ETFRF1: variants seen among roughly 807,000 people sequenced by gnomAD.
ETFRF1 encodes electron transfer flavoprotein regulatory factor 1.
A neutral mutation model predicts 9.0 loss-of-function variants in ETFRF1; 12 were observed. The ratio of observed to expected loss-of-function variants is 1.34; its 90% confidence interval spans 0.86 to 2.16. The LOEUF (loss-of-function observed/expected upper bound fraction) is 2.16. Ranked by LOEUF, ETFRF1 falls within the 30% of genes most tolerant of loss-of-function variation. The probability of loss-of-function intolerance (pLI) is 0.00; values close to 1 mark genes in which losing one functional copy is unlikely to be tolerated. For missense variants in ETFRF1, 98 were observed against 101.8 expected, an observed-to-expected ratio of 0.96 and a Z score of 0.16; for synonymous variants, 34 against 33.2, an observed-to-expected ratio of 1.02 and a Z score of -0.08.
chr12:25,202,126 G>A (rs1951079471), intron 1 of ETFRF1, among the ~76,000 whole-genome samples: 1 of 149,962 alleles, frequency 6.7e-6, no homozygotes, highest in South Asian at 2.1e-4. Context: ...CCAGCTTACT[G>A]GGGAGACTGA....
intron 1 of ETFRF1, among the ~76,000 whole-genome samples, chr12:25,197,519 T>C (rs911264496): frequency 1.2e-4 from 18 of 152,100 alleles, no homozygotes; most frequent in African/African-American, 4.1e-4. Flanking sequence ...CAGGTTGGAG[T>C]GGTGGAACAA....
intron 1 of ETFRF1, among the ~76,000 whole-genome samples, chr12:25,198,381 G>T (rs544966976): frequency 6.6e-6 from 1 of 152,066 alleles, no homozygotes; most frequent in Non-Finnish European, 1.5e-5. Flanking sequence ...CCCCAGTAAA[G>T]GCCCACCCAG....
rs183401030 is a variant in ETFRF1 at position 25,203,758 on chromosome 12, C to T, written c.-37-162C>T. ...CAATTATGACAGCAGGTAATTTTAT[C>T]GGAAGTGTTTATAACTATATCCCAG... On this transcript the variant is annotated intron_variant, in intron 1 of 2. Transcript: ENST00000381356. 3.7e-5 allele frequency: 15 copies of T among 406,540 alleles called. No homozygotes were observed. The Admixed American group carries it at 6.2e-4, about 17-fold the overall frequency. The allele number at this position is 406,540 out of a possible 1,614,324, so 25.2% of individuals were successfully genotyped here.
At chr12:25,198,156 A>T (rs566342276) in intron 1 of ETFRF1, among the ~76,000 whole-genome samples, 1 of 152,300 alleles carries the variant, frequency 6.6e-6, no homozygotes, top group East Asian at 1.9e-4. Context: ...AGAAGACTAG[A>T]GGTTTATTTC....
intron 1 of ETFRF1, among the ~76,000 whole-genome samples, chr12:25,200,207 T>C (rs1343209768): frequency 6.7e-6 from 1 of 149,378 alleles, no homozygotes; most frequent in Non-Finnish European, 1.5e-5. Flanking sequence ...CGAAACTCCA[T>C]GCTTAAAAAA....
chr12:25,199,165 GATAT>G (rs1245989294), intron 1 of ETFRF1, among the ~76,000 whole-genome samples: 1 of 150,402 alleles, frequency 6.6e-6, no homozygotes, highest in Admixed American at 6.7e-5. Flanking sequence ...CATATTTATA[GATAT>G]ATATGTGCTA....
intron 1 of ETFRF1, among the ~76,000 whole-genome samples, chr12:25,198,257 C>T (rs1951046520): frequency 6.6e-6 from 1 of 152,110 alleles, no homozygotes; most frequent in South Asian, 2.1e-4. Flanking sequence ...TTTAGGAATA[C>T]ATAATGCTGG....
intron 1 of ETFRF1, 77 bp downstream of exon 1, chr12:25,195,414 C>G (rs939397375): frequency 5.8e-6 from 3 of 515,088 alleles, no homozygotes; most frequent in Non-Finnish European, 7.0e-6. Flanking sequence ...ATGCTCTGGG[C>G]GAGGACCACC....
Position 25,204,227 on chromosome 12 carries a change from T to C in ETFRF1, c.188T>C (p.Met63Thr). The C allele has an allele frequency of 6.2e-7, 1 of 1,612,146 alleles. No homozygotes were observed. Among genetic ancestry groups the C allele is most frequent in the Non-Finnish European group, 8.5e-7 (1 of 1,179,334 alleles). The change falls in exon 3 of 3, where the codon ATG becomes ACG. Residue 63 changes from methionine to threonine, a missense_variant. By Grantham distance (81) the Met-to-Thr change is moderately conservative. Transcript: ENST00000381356. Reference sequence around the variant, plus strand: ...CTTATTGCACAGGGCGAATTTGTAATGAAAGAGCTAGAAGCTTTGTACTTC... The same window carrying C: ...CTTATTGCACAGGGCGAATTTGTAACGAAAGAGCTAGAAGCTTTGTACTTC... ...KELIAQGEFV[M>T]KELEALYFLR...
chr12:25,195,269 C>G lies in ETFRF1; in HGVS notation c.-106C>G, dbSNP rs1474620595. 2.4e-5 allele frequency: 16 copies of G among 655,532 alleles called. No individual in the cohort carries two copies. The East Asian group carries it at 3.5e-4, about 14-fold the overall frequency. The allele number at this position is 655,532 out of a possible 1,614,324, so 40.6% of individuals were successfully genotyped here. The stretch of plus-strand genomic sequence containing the variant: ...GGTTGCCCACCTCCCCCAACGCCAC[C>G]CCGCTTCGCAGTAGACGGACAGAGG... On this transcript the variant is annotated 5_prime_UTR_variant, in exon 1 of 3. Coordinates refer to ENST00000381356, the MANE Select transcript of ETFRF1 (RefSeq NM_001001660.3).
chr12:25,195,286 G>A lies in ETFRF1; in HGVS notation c.-89G>A, dbSNP rs540560690. On this transcript the variant is annotated 5_prime_UTR_variant, in exon 1 of 3. Transcript: ENST00000381356. ...AACGCCACCCCGCTTCGCAGTAGAC[G>A]GACAGAGGAGTCGTAGCGGTCGAGG... The A allele has an allele frequency of 6.9e-5, 43 of 626,064 alleles. 1 individual carries two copies. Among genetic ancestry groups the A allele is most frequent in the South Asian group, 2.1e-4 (11 of 53,638 alleles). 38.8% of individuals were successfully genotyped at this position (626,064 alleles called of 1,614,324 possible).
At chr12:25,202,925 T>G (rs1951087713) in intron 1 of ETFRF1, among the ~76,000 whole-genome samples, 1 of 152,324 alleles carries the variant, frequency 6.6e-6, no homozygotes, top group African/African-American at 2.4e-5. Flanking sequence ...CTTGCAGCTT[T>G]GTCACTTAGA....
Position 25,204,174 on chromosome 12 carries a change from T to C in ETFRF1, c.135T>C (p.Asp45=). 1.2e-6 allele frequency: 2 copies of C among 1,613,220 alleles called. No individual in the cohort carries two copies. The highest frequency in any genetic ancestry group is 8.5e-7 in the Non-Finnish European group (1 of 1,179,554). Reference sequence around the variant, plus strand: ...AGAACATTTTCCTTAAAAACAAAGATGTGAAGAATCCAGAGAAGATCAAAG... The same window carrying C: ...AGAACATTTTCCTTAAAAACAAAGACGTGAAGAATCCAGAGAAGATCAAAG... ...RLKNIFLKNK[D]VKNPEKIKEL... is the part of the protein sequence containing the mutation. The change falls in exon 3 of 3, where the codon GAT becomes GAC. Residue 45 remains aspartate, a synonymous_variant. Transcript: ENST00000381356.
chr12:25,204,297 C>T lies in ETFRF1; in HGVS notation c.258C>T (p.Thr86=), dbSNP rs530258218. ...TGAAACAACGCTATTATTCAGATAC[C>T]AACAAAACTAATTGATCATTACTAC... ...RAMKQRYYSD[T]NKTN is the part of the protein sequence containing the mutation. Residue 86 remains threonine, a synonymous_variant, in exon 3 of 3, where the codon ACC becomes ACT. Coordinates refer to ENST00000381356, the MANE Select transcript of ETFRF1 (RefSeq NM_001001660.3). 7.6e-6 allele frequency: 12 copies of T among 1,573,228 alleles called. No individual in the cohort carries two copies. The highest frequency in any genetic ancestry group is 4.1e-5 in the African/African-American group (3 of 72,716).
chr12:25,204,311 G>T lies in ETFRF1; in HGVS notation c.272G>T (p.Ter91LeuextTer5), dbSNP rs557891881. Residue 91 changes from the stop codon to leucine (L), a stop_lost, in exon 3 of 3, where the codon TGA becomes TTA. Coordinates refer to ENST00000381356, the MANE Select transcript of ETFRF1 (RefSeq NM_001001660.3). Reference sequence around the variant, plus strand: ...TATTCAGATACCAACAAAACTAATTGATCATTACTACTTTAATTTAGCTAT... The same window carrying T: ...TATTCAGATACCAACAAAACTAATTTATCATTACTACTTTAATTTAGCTAT... ...RYYSDTNKTN[*>L] 1.1e-4 allele frequency: 173 copies of T among 1,561,484 alleles called. 1 individual carries two copies. The East Asian group carries it at 3.4e-3, about 31-fold the overall frequency.
In ETFRF1 at chr12:25,197,467, GTTTGT is replaced by G. The variant is rs577706164; in HGVS notation, c.-38+2140_-38+2144del. ...ACATGGTTCCGAAGAGGTGTTTTTT[GTTTGT>G]TTTGTTTTGAGACAGGGTCTCAAAA... On this transcript the variant is annotated intron_variant, in intron 1 of 2. Coordinates refer to ENST00000381356, the MANE Select transcript of ETFRF1 (RefSeq NM_001001660.3). Among the ~76,000 whole-genome samples the G allele has an allele frequency of 4.6e-5, 7 of 152,166 alleles. No individual in the cohort carries two copies. The South Asian group carries it at 1.0e-3, about 23-fold the overall frequency.
At chr12:25,197,961 G>GT (rs1282444736) in intron 1 of ETFRF1, among the ~76,000 whole-genome samples, 5 of 152,114 alleles carry the variant, frequency 3.3e-5, no homozygotes, top group Admixed American at 6.6e-5. Flanking sequence ...GGGACAGGAG[G>GT]TAACAGCAAT....
rs1005283055 is a variant in ETFRF1, at chr12:25,204,364, T to A, written c.*52T>A. On this transcript the variant is annotated 3_prime_UTR_variant, in exon 3 of 3. Transcript: ENST00000381356. ...GTGCCAGCTGTTTATGTATACCAGA[T>A]GTTGTAAAATAATTCTAACTTAAAA... The A allele has an allele frequency of 1.8e-5, 25 of 1,360,540 alleles. No homozygotes were observed. The highest frequency in any genetic ancestry group is 2.6e-5 in the Admixed American group (1 of 38,510). 84.3% of individuals were successfully genotyped at this position (1,360,540 alleles called of 1,614,324 possible).
chr12:25,195,489 G>T, intron 1 of ETFRF1, 152 bp downstream of exon 1: 1 of 335,322 alleles, frequency 3.0e-6, no homozygotes, highest in Non-Finnish European at 5.7e-6. Flanking sequence ...AGTGTGTTGG[G>T]TCTTTCTGTG....
Sources: allele counts gnomAD v4.1 joint callset (sites outside exome capture counted in the v4.1 genomes callset), GRCh38; gene constraint gnomAD v4.1.1; transcripts MANE v1.5; gene names NCBI Gene and HGNC (gene_info 2026-07-23, HGNC 2026-07-21).